TIAM1: variants seen among roughly 807,000 people sequenced by gnomAD.
TIAM1 encodes the protein rho guanine nucleotide exchange factor TIAM1.
A neutral mutation model predicts 163.5 loss-of-function variants in TIAM1; 65 were observed. The ratio of observed to expected loss-of-function variants is 0.40; its 90% CI spans 0.33 to 0.49. The LOEUF (loss-of-function observed/expected upper bound fraction) is 0.49, where lower values mean the gene tolerates loss of function less well. Among genes scored for constraint, TIAM1 ranks in the 20% least tolerant of loss-of-function variants. The pLI is 0.77. For missense variants in TIAM1, 1,789 were observed against 2,044.7 expected (o/e 0.87, Z 2.41); for synonymous variants, 833 against 810.1 (o/e 1.03, Z -0.48).
At chr21:31,343,914 C>A (rs1374269677) in intron 1 of TIAM1, among the ~76,000 whole-genome samples, 1 of 152,232 alleles carries the variant, frequency 6.6e-6, no homozygotes, top group East Asian at 1.9e-4. Context: ...CCGTCCCCTG[C>A]AGCTCAGCCG....
intron 1 of TIAM1, among the ~76,000 whole-genome samples, chr21:31,515,862 C>G (rs2047363078): frequency 6.6e-6 from 1 of 152,162 alleles, no homozygotes. Flanking sequence ...AATCCCAGAA[C>G]TTTGAGAGGC....
intron 3 of TIAM1, among the ~76,000 whole-genome samples, chr21:31,271,153 G>T (rs1300377246): frequency 1.3e-5 from 2 of 151,774 alleles, no homozygotes; most frequent in African/African-American, 4.8e-5. Context: ...GGCTGGAAGT[G>T]TCTTGTTTCC....
intron 3 of TIAM1, among the ~76,000 whole-genome samples, chr21:31,275,530 C>T (rs1430557264): frequency 6.6e-6 from 1 of 152,194 alleles, no homozygotes; most frequent in Admixed American, 6.5e-5. Context: ...TTCAATGGCA[C>T]ACTGACCTCC....
intron 2 of TIAM1, among the ~76,000 whole-genome samples, chr21:31,286,124 A>T (rs985374657): frequency 2.0e-5 from 3 of 152,248 alleles, no homozygotes; most frequent in African/African-American, 7.2e-5. Context: ...GTGTTGCACC[A>T]TTGCTAGGGG....
intron 1 of TIAM1, among the ~76,000 whole-genome samples, chr21:31,471,173 C>T (rs538051784): frequency 1.3e-5 from 2 of 152,318 alleles, no homozygotes; most frequent in Non-Finnish European, 2.9e-5. Context: ...AACAGCAGAG[C>T]GGACCACACA....
chr21:31,404,758 T>C (rs536071612), intron 2 of TIAM1, among the ~76,000 whole-genome samples: 5 of 152,284 alleles, frequency 3.3e-5, no homozygotes, highest in Admixed American at 6.5e-5. Context: ...ATGTCACCAC[T>C]GGGGAAAGCT....
intron 2 of TIAM1, among the ~76,000 whole-genome samples, chr21:31,409,150 A>G (rs1486030268): frequency 6.9e-6 from 1 of 144,042 alleles, no homozygotes; most frequent in East Asian, 2.0e-4. Context: ...TCGCACTGTC[A>G]CCCAGGCTGG....
intron 2 of TIAM1, among the ~76,000 whole-genome samples, chr21:31,332,475 T>C (rs905164383): frequency 6.6e-6 from 1 of 152,184 alleles, no homozygotes; most frequent in Non-Finnish European, 1.5e-5. Context: ...GACCTCTTTC[T>C]AGCCCAGTGC....
At chr21:31,284,062 C>T (rs1451998884) in intron 2 of TIAM1, among the ~76,000 whole-genome samples, 4 of 152,202 alleles carry the variant, frequency 2.6e-5, no homozygotes, top group African/African-American at 9.7e-5. Flanking sequence ...ATGTCATTAA[C>T]TTCTAATGCT....
chr21:31,161,324 T>C (rs1188078268), intron 16 of TIAM1, among the ~76,000 whole-genome samples: 2 of 152,118 alleles, frequency 1.3e-5, no homozygotes, highest in Non-Finnish European at 2.9e-5. Flanking sequence ...GAGTTTTCAA[T>C]GAGAAGCAGA....
At chr21:31,373,832 T>TC (rs1336802304) in intron 2 of TIAM1, among the ~76,000 whole-genome samples, 3 of 152,204 alleles carry the variant, frequency 2.0e-5, no homozygotes, top group African/African-American at 7.2e-5. Flanking sequence ...TACTTCCTTT[T>TC]CCCCCATCGT....
In TIAM1 at chr21:31,202,902, C is replaced by T. The variant is rs1338978468; in HGVS notation, c.2493+6G>A. 5.6e-6 allele frequency: 9 copies of T among 1,612,248 alleles called. No individual in the cohort carries two copies. Among genetic ancestry groups the T allele is most frequent in the Non-Finnish European group, 6.8e-6 (8 of 1,178,408 alleles). On this transcript the variant is annotated splice_donor_region_variant and intron_variant, in intron 12 of 27. Transcript: ENST00000541036. ...AAGTGTGCTTGGACAACAGTCATAA[C>T]ATTACCAGCTCATAGATGTCTTCCT... is the stretch of plus-strand genomic sequence containing the variant.
chr21:31,378,978 GT>G (rs1323144125), intron 2 of TIAM1, among the ~76,000 whole-genome samples: 2 of 151,980 alleles, frequency 1.3e-5, no homozygotes, highest in African/African-American at 4.8e-5. Context: ...GTTTTATTTT[GT>G]TTTTTCAATT....
At chr21:31,223,149 G>A (rs1403833215) in intron 8 of TIAM1, among the ~76,000 whole-genome samples, 1 of 152,140 alleles carries the variant, frequency 6.6e-6, no homozygotes, top group African/African-American at 2.4e-5. Context: ...AATACTACAT[G>A]TGAACAGCGC....
chr21:31,145,901 CA>C lies in TIAM1; in HGVS notation c.3475+993del, dbSNP rs763051964. Among the ~76,000 whole-genome samples, 62 of 152,110 alleles carry C rather than the reference CA, an allele frequency of 4.1e-4. 1 individual carries two copies. Among genetic ancestry groups the C allele is most frequent in the Admixed American group, 4.6e-4 (7 of 15,288 alleles). On this transcript the variant is annotated intron_variant, in intron 20 of 27. Transcript: ENST00000541036. The stretch of plus-strand genomic sequence containing the variant: ...AACATTATAACAAAATGATGTTGAA[CA>C]AAATGACATTAGTTGGGAACCTGCT...
At chr21:31,128,148 C>T (rs1194072258) in intron 25 of TIAM1, among the ~76,000 whole-genome samples, 1 of 152,230 alleles carries the variant, frequency 6.6e-6, no homozygotes, top group Non-Finnish European at 1.5e-5. Context: ...GTTCAGAACC[C>T]TGGTCACAAA....
intron 2 of TIAM1, among the ~76,000 whole-genome samples, chr21:31,451,449 A>T (rs1025376348): frequency 4.6e-5 from 7 of 152,206 alleles, no homozygotes; most frequent in South Asian, 4.1e-4. Flanking sequence ...TCTACACATG[A>T]CTGAGTAATC....
At chr21:31,194,241 C>T (rs1343401040) in intron 13 of TIAM1, among the ~76,000 whole-genome samples, 1 of 151,984 alleles carries the variant, frequency 6.6e-6, no homozygotes, top group African/African-American at 2.4e-5. Flanking sequence ...CCCAAGACAA[C>T]GAAGCCGCTT....
rs12106306 is a variant in TIAM1, at chr21:31,529,479, C to T, written c.-422+29448G>A. 7.2e-3 allele frequency among the ~76,000 whole-genome samples: 1,093 copies of T among 152,044 alleles called. 10 individuals are homozygous for T. Among genetic ancestry groups the T allele is most frequent in the African/African-American group, 0.025 (1,037 of 41,514 alleles). The stretch of plus-strand genomic sequence containing the variant: ...TGTTCCCTTCAGTAGCTCTTGAATA[C>T]CTTGAGTAAACAGAGAAGGAAGCAG... On this transcript the variant is annotated intron_variant, in intron 1 of 28. Coordinates refer to the TIAM1 transcript ENST00000286827.
Sources: allele counts gnomAD v4.1 joint callset (sites outside exome capture counted in the v4.1 genomes callset), GRCh38; gene constraint gnomAD v4.1.1; transcripts MANE v1.5; gene names NCBI Gene and HGNC (gene_info 2026-07-23, HGNC 2026-07-21).